Variants in DHX15 observed in about 807,000 individuals in gnomAD.
The protein encoded by DHX15 is DEAH-box helicase 15, also known as ATP-dependent RNA helicase DHX15.
In DHX15, 11 loss-of-function variants were observed where a neutral mutation model predicts 94.4. The ratio of observed to expected loss-of-function variants is 0.12; its 90% CI spans 0.07 to 0.19. The LOEUF is 0.19. Among genes scored for constraint, DHX15 ranks in the 10% least tolerant of loss-of-function variants. The pLI, the probability that DHX15 is intolerant of heterozygous loss-of-function variation, is 1.00. For synonymous variants in DHX15, 338 were observed against 329.9 expected, an observed-to-expected ratio of 1.02 and a Z score of -0.27; for missense variants, 304 against 988.5, an observed-to-expected ratio of 0.31 and a Z score of 9.29.
At chr4:24,556,202 G>C (rs923521864) in intron 4 of DHX15, 49 bp downstream of exon 4, 4 of 1,517,978 alleles carry the variant, frequency 2.6e-6, no homozygotes, top group Non-Finnish European at 3.6e-6. Context: ...CCATTTTTAT[G>C]CCCACATACA....
chr4:24,567,075 T>C (rs542714998), intron 3 of DHX15, among the ~76,000 whole-genome samples: 81 of 152,302 alleles, frequency 5.3e-4, no homozygotes, highest in Admixed American at 1.2e-3. Context: ...TACAAATTAT[T>C]AGATTCCTTC....
intron 3 of DHX15, among the ~76,000 whole-genome samples, chr4:24,560,737 G>C (rs1721856220): frequency 6.6e-6 from 1 of 152,200 alleles, no homozygotes; most frequent in South Asian, 2.1e-4. Context: ...TTTTAAAATA[G>C]CACCTTAAAA....
intron 3 of DHX15, among the ~76,000 whole-genome samples, chr4:24,561,606 A>C (rs890907276): frequency 4.6e-5 from 7 of 152,226 alleles, no homozygotes; most frequent in African/African-American, 1.7e-4. Flanking sequence ...ACACAATGGA[A>C]TACTATGCAG....
intron 2 of DHX15, among the ~76,000 whole-genome samples, chr4:24,575,314 T>A (rs917036892): frequency 6.6e-6 from 1 of 152,190 alleles, no homozygotes; most frequent in African/African-American, 2.4e-5. Flanking sequence ...AATCTCTGCA[T>A]GGTAAGACAG....
intron 12 of DHX15, 74 bp downstream of exon 12, chr4:24,532,790 G>A (rs940092054): frequency 1.7e-6 from 2 of 1,163,910 alleles, no homozygotes; most frequent in African/African-American, 3.1e-5. Context: ...GCTTTTGAGT[G>A]GATTCAAAGG....
chr4:24,584,511 A>T lies in DHX15; in HGVS notation c.-118T>A. 5.0e-6 allele frequency: 5 copies of T among 1,007,030 alleles called. No individual in the cohort carries two copies. The South Asian group carries it at 8.1e-5, about 16-fold the overall frequency. 62.4% of individuals were successfully genotyped at this position (1,007,030 alleles called of 1,614,324 possible). On this transcript the variant is annotated 5_prime_UTR_variant, in exon 1 of 14. Transcript: ENST00000336812. ...CACCCCTCCCGCTACTACAGCCCAC[A>T]CGGTGCGGCCGGAACCAACAGCTAA... is the stretch of plus-strand genomic sequence containing the variant.
At chr4:24,547,901 G>A (rs796299235) in intron 6 of DHX15, among the ~76,000 whole-genome samples, 858 of 13,482 alleles carry the variant, frequency 0.064, 13 homozygotes, top group East Asian at 0.11. Flanking sequence ...ATGTATGTAT[G>A]TGTATATATA....
intron 3 of DHX15, among the ~76,000 whole-genome samples, chr4:24,563,970 G>A (rs1577345952): frequency 6.6e-6 from 1 of 151,806 alleles, no homozygotes; most frequent in Middle Eastern, 3.4e-3. Context: ...GGGAGGCTGA[G>A]GCAGGAGAAT....
At chr4:24,533,728 G>A (rs1371132118) in intron 11 of DHX15, 2 of 152,286 alleles carry the variant, frequency 1.3e-5, no homozygotes, top group East Asian at 1.9e-4. Context: ...CTCACTTAAA[G>A]AGCTCAACCT....
chr4:24,545,520 A>G (rs535748070), intron 6 of DHX15, among the ~76,000 whole-genome samples: 1 of 150,194 alleles, frequency 6.7e-6, no homozygotes, highest in South Asian at 2.1e-4. Context: ...ATTGCCAGCC[A>G]AAAGTCAAAC....
intron 3 of DHX15, among the ~76,000 whole-genome samples, chr4:24,561,862 T>C (rs1721879043): frequency 2.0e-5 from 3 of 152,040 alleles, no homozygotes; most frequent in Non-Finnish European, 4.4e-5. Flanking sequence ...AAGTAATCTG[T>C]ACACCAGCCC....
intron 6 of DHX15, among the ~76,000 whole-genome samples, chr4:24,548,066 G>A (rs1419256517): frequency 6.7e-6 from 1 of 149,084 alleles, no homozygotes; most frequent in Non-Finnish European, 1.5e-5. Flanking sequence ...TCTTGTTCCT[G>A]TCCGTTTGAC....
At chr4:24,561,825 G>A (rs1577344867) in intron 3 of DHX15, among the ~76,000 whole-genome samples, 1 of 152,050 alleles carries the variant, frequency 6.6e-6, no homozygotes, top group African/African-American at 2.4e-5. Context: ...TACCTGTCAG[G>A]TAACTATGCT....
chr4:24,571,688 G>A (rs762001663), intron 2 of DHX15, among the ~76,000 whole-genome samples: 10 of 152,100 alleles, frequency 6.6e-5, no homozygotes, highest in Non-Finnish European at 8.8e-5. Context: ...GCTTCCAAAC[G>A]CCTATCAAAC....
chr4:24,528,207 A>G (rs1721000512), intron 13 of DHX15, among the ~76,000 whole-genome samples, 166 bp from the exon 14 acceptor site: 2 of 152,258 alleles, frequency 1.3e-5, no homozygotes, highest in Non-Finnish European at 2.9e-5. Flanking sequence ...TAGCACTTTT[A>G]GAAATGTGTT....
intron 12 of DHX15, among the ~76,000 whole-genome samples, chr4:24,531,682 G>A (rs2109391487): frequency 1.3e-5 from 2 of 152,120 alleles, no homozygotes; most frequent in South Asian, 4.2e-4. Context: ...TTGCACCACT[G>A]CACTCCAGCC....
At chr4:24,574,496 C>G (rs565098984) in intron 2 of DHX15, among the ~76,000 whole-genome samples, 1 of 130,852 alleles carries the variant, frequency 7.6e-6, no homozygotes, top group South Asian at 2.1e-4. Flanking sequence ...TTGACCTGAC[C>G]TCCTTCTACA....
At chr4:24,572,928 T>C (rs1184423395) in intron 2 of DHX15, among the ~76,000 whole-genome samples, 2 of 152,186 alleles carry the variant, frequency 1.3e-5, no homozygotes, top group Non-Finnish European at 2.9e-5. Flanking sequence ...TTTTTTCTTT[T>C]AAGACGGAGT....
At chr4:24,569,640 C>T (rs546738677) in intron 3 of DHX15, among the ~76,000 whole-genome samples, 1 of 151,156 alleles carries the variant, frequency 6.6e-6, no homozygotes, top group South Asian at 2.1e-4. Flanking sequence ...TCATTTATCC[C>T]ATTAACACTA....
Sources: allele counts gnomAD v4.1 joint callset (sites outside exome capture counted in the v4.1 genomes callset), GRCh38; gene constraint gnomAD v4.1.1; transcripts MANE v1.5; gene names NCBI Gene and HGNC (gene_info 2026-07-23, HGNC 2026-07-21).